KAZN: variants seen among roughly 807,000 people sequenced by gnomAD.
KAZN encodes kazrin, periplakin interacting protein.
Under a neutral mutation model 87.4 loss-of-function variants are expected in KAZN, and 40 were observed. The observed-to-expected ratio is 0.46, with a 90% confidence interval of 0.36 to 0.60. The LOEUF is 0.60. KAZN is among the 20% of genes least tolerant of loss of function. KAZN has a pLI of 0.00. For synonymous variants in KAZN, 466 were observed against 458.3 expected, an observed-to-expected ratio of 1.02 and a Z score of -0.22; for missense variants, 898 against 1,073.9, an observed-to-expected ratio of 0.84 and a Z score of 2.29.
At chr1:14,525,243 C>A (rs1191655382) in intron 2 of KAZN, among the ~76,000 whole-genome samples, 1 of 152,214 alleles carries the variant, frequency 6.6e-6, no homozygotes, top group African/African-American at 2.4e-5. Context: ...TCTTAGCTTG[C>A]CAGCCATACA....
intron 2 of KAZN, among the ~76,000 whole-genome samples, chr1:14,306,741 G>A (rs527861191): frequency 6.6e-6 from 1 of 152,240 alleles, no homozygotes; most frequent in East Asian, 1.9e-4. Flanking sequence ...GTGAGCTGGT[G>A]GGATTAGCTC....
chr1:14,463,849 G>C (rs2148353856), intron 2 of KAZN, among the ~76,000 whole-genome samples: 1 of 152,266 alleles, frequency 6.6e-6, no homozygotes, highest in South Asian at 2.1e-4. Context: ...TGAAGCCCTG[G>C]TGTGGAGTCA....
chr1:13,895,768 C>T (rs767370128), intron 1 of KAZN, among the ~76,000 whole-genome samples: 1 of 152,146 alleles, frequency 6.6e-6, no homozygotes, highest in Non-Finnish European at 1.5e-5. Context: ...ACAGATCCCA[C>T]GTACTCACCG....
intron 2 of KAZN, among the ~76,000 whole-genome samples, chr1:14,181,140 ACTC>A: frequency 6.6e-6 from 1 of 151,984 alleles, no homozygotes; most frequent in African/African-American, 2.4e-5. Flanking sequence ...AAAGTTATCT[ACTC>A]CTTCTGGCTT....
At chr1:14,002,782 G>A (rs1639857011) in intron 1 of KAZN, among the ~76,000 whole-genome samples, 2 of 152,120 alleles carry the variant, frequency 1.3e-5, no homozygotes, top group South Asian at 4.1e-4. Context: ...CAACCATTGT[G>A]GAAGACAGTA....
intron 1 of KAZN, among the ~76,000 whole-genome samples, chr1:13,987,132 G>T (rs1472150936): frequency 6.6e-6 from 1 of 152,082 alleles, no homozygotes; most frequent in Non-Finnish European, 1.5e-5. Flanking sequence ...TGACAGGAGA[G>T]ACTTTTTTGT....
chr1:15,065,511 G>A, intron 7 of KAZN, 119 bp from the exon 8 acceptor site: 1 of 877,280 alleles, frequency 1.1e-6, no homozygotes, highest in Non-Finnish European at 1.8e-6. Flanking sequence ...GACCCCACTG[G>A]CTTAAAGCTC....
intron 2 of KAZN, among the ~76,000 whole-genome samples, chr1:15,006,334 A>G (rs1406331259): frequency 1.3e-5 from 2 of 152,166 alleles, no homozygotes; most frequent in Non-Finnish European, 2.9e-5. Flanking sequence ...TCCTACCTGC[A>G]GAGGTTTGGT....
At chr1:14,414,070 G>A (rs895415428) in intron 2 of KAZN, among the ~76,000 whole-genome samples, 8 of 152,128 alleles carry the variant, frequency 5.3e-5, no homozygotes, top group Admixed American at 2.0e-4. Flanking sequence ...AATGTCCAAG[G>A]CCCATAACAT....
chr1:14,435,661 G>T (rs1346214506), intron 2 of KAZN, among the ~76,000 whole-genome samples: 1 of 152,240 alleles, frequency 6.6e-6, no homozygotes, highest in African/African-American at 2.4e-5. Flanking sequence ...GCTGAAGGCA[G>T]CAGTTAAGAG....
intron 1 of KAZN, among the ~76,000 whole-genome samples, chr1:13,960,222 T>G (rs542402956): frequency 1.3e-4 from 20 of 152,318 alleles, no homozygotes; most frequent in Admixed American, 9.1e-4. Context: ...CTGTGTGCAT[T>G]ACTCATTTAG....
Position 14,409,775 on chromosome 1 carries a change from C to T in KAZN, c.250-189208C>T, listed in dbSNP as rs564265464. On this transcript the variant is annotated intron_variant, in intron 2 of 16. Transcript: ENST00000636203. ...AATTACAGCAAACTGAGGGACTAGACGCTCCCTTCAAAAACTCCCAATAAA... is the reference window on the plus strand; with the variant it reads ...AATTACAGCAAACTGAGGGACTAGATGCTCCCTTCAAAAACTCCCAATAAA... Among the ~76,000 whole-genome samples the T allele has an allele frequency of 1.2e-3, 177 of 152,222 alleles. 4 individuals are homozygous for T. Among genetic ancestry groups the T allele is most frequent in the South Asian group, 3.3e-3 (16 of 4,826 alleles).
rs1332058609 is a variant in KAZN, at chr1:14,924,613, A to G, written c.227-36071A>G. ...GCGGGGCGGGGCGGGCGGCGCGGAC[A>G]CAGGCCCAGGAGCCGCCGGGGCCGG... On this transcript the variant is annotated intron_variant, in intron 1 of 14. Transcript: ENST00000376030. The G allele has an allele frequency of 1.3e-5, 13 of 988,302 alleles. No homozygotes were observed. The East Asian group carries it at 1.1e-3, about 86-fold the overall frequency. The allele number at this position is 988,302 out of a possible 1,614,324, so 61.2% of individuals were successfully genotyped here.
rs188747834 is a variant in KAZN at position 14,893,943 on chromosome 1, G to A, written c.227-66741G>A. Reference sequence around the variant, plus strand: ...ATCTGAAATATTGATGTGGCAGCCGGAGCCCGGCTCCAGACCCAGCTACAA... The same window carrying A: ...ATCTGAAATATTGATGTGGCAGCCGAAGCCCGGCTCCAGACCCAGCTACAA... On this transcript the variant is annotated intron_variant, in intron 1 of 14. Coordinates refer to ENST00000376030, the MANE Select transcript of KAZN (RefSeq NM_201628.3). Among the ~76,000 whole-genome samples the A allele has an allele frequency of 2.3e-3, 349 of 152,226 alleles. 1 individual carries two copies. The highest frequency in any genetic ancestry group is 8.1e-3 in the African/African-American group (338 of 41,544).
intron 1 of KAZN, among the ~76,000 whole-genome samples, chr1:14,669,111 TG>T (rs1253882498): frequency 1.3e-5 from 2 of 151,714 alleles, no homozygotes; most frequent in African/African-American, 4.8e-5. Context: ...AGACACAGAG[TG>T]GGACCTTTAT....
intron 1 of KAZN, among the ~76,000 whole-genome samples, chr1:14,915,579 A>T (rs533210145): frequency 1.3e-5 from 2 of 152,332 alleles, no homozygotes; most frequent in East Asian, 3.9e-4. Flanking sequence ...AGCACTGCTG[A>T]GGGTTCCCTC....
At chr1:14,318,408 G>A (rs149343108) in intron 2 of KAZN, among the ~76,000 whole-genome samples, 1,553 of 152,086 alleles carry the variant, frequency 0.01, 34 homozygotes, top group African/African-American at 0.036. Context: ...TTTTGACAAG[G>A]AGATTCTTGT....
intron 1 of KAZN, among the ~76,000 whole-genome samples, chr1:14,836,546 C>T (rs1481712038): frequency 1.3e-5 from 2 of 152,162 alleles, no homozygotes; most frequent in African/African-American, 2.4e-5. Flanking sequence ...TTCAACTTGA[C>T]GGAAGCTCAT....
At chr1:14,500,112 G>A (rs1032544822) in intron 2 of KAZN, among the ~76,000 whole-genome samples, 2 of 152,114 alleles carry the variant, frequency 1.3e-5, no homozygotes, top group Admixed American at 6.5e-5. Flanking sequence ...GAAAGAGAAG[G>A]CCACAAAGGC....
Sources: gnomAD v4.1 joint callset for allele counts (sites outside exome capture counted in the v4.1 genomes callset) on GRCh38, gnomAD v4.1.1 for gene constraint, MANE v1.5 for transcripts, NCBI Gene and HGNC (gene_info 2026-07-23, HGNC 2026-07-21) for gene names.